IL1RL2: variants seen among roughly 807,000 people sequenced by gnomAD.
IL1RL2 encodes the protein interleukin-1 receptor-like 2.
In IL1RL2, 68 loss-of-function variants were observed where a neutral mutation model predicts 66.8. The observed-to-expected ratio is 1.02, with a 90% CI of 0.84 to 1.25. The LOEUF (loss-of-function observed/expected upper bound fraction) is 1.25, where lower values mean the gene tolerates loss of function less well. IL1RL2 is among the 50% of genes most tolerant of loss of function. The probability of loss-of-function intolerance (pLI) is 0.00; values close to 1 mark genes in which losing one functional copy is unlikely to be tolerated. For synonymous variants in IL1RL2, 305 were observed against 264.6 expected (o/e 1.15, Z -1.48); for missense variants, 729 against 709.3 (o/e 1.03, Z -0.32).
In IL1RL2 at chr2:102,192,114, G is replaced by A. The variant is rs1003159136; in HGVS notation, c.483G>A (p.Trp161Ter). ...PKSCVLGPIK[W>*]YKDCNEIKGE... ...GTTGTGTTTTGGGTCCAATAAAGTG[G>A]TATAAGGTAAAAAAGAATTTTCTTA... The change falls in exon 4 of 12, where the codon TGG becomes TGA. Residue 161 changes from tryptophan (W) to a stop codon, truncating the protein, a stop_gained. Transcript: ENST00000264257. LOFTEE classifies it high-confidence loss of function. 7 of 1,559,344 alleles carry A rather than the reference G, an allele frequency of 4.5e-6. No individual in the cohort carries two copies. In the African/African-American group the frequency reaches 9.8e-5, roughly 22 times the overall value.
chr2:102,234,787 A>C (rs992152414), intron 10 of IL1RL2, 110 bp from the exon 11 acceptor site: 65 of 551,790 alleles, frequency 1.2e-4, no homozygotes, highest in Non-Finnish European at 1.7e-4. Flanking sequence ...ACTTCACTTC[A>C]AAAAAAAAAA....
intron 4 of IL1RL2, among the ~76,000 whole-genome samples, chr2:102,196,351 C>T (rs1687783543): frequency 6.6e-6 from 1 of 152,174 alleles, no homozygotes; most frequent in Non-Finnish European, 1.5e-5. Context: ...TCACCTGATA[C>T]TATACCACCT....
chr2:102,233,724 C>T (rs1432429034), intron 10 of IL1RL2, among the ~76,000 whole-genome samples: 5 of 152,106 alleles, frequency 3.3e-5, no homozygotes, highest in Admixed American at 6.5e-5. Context: ...GATGAGAGAA[C>T]TGAATGAGAA....
At chr2:102,240,385 T>C (rs1675197024), downstream of IL1RL2, among the ~76,000 whole-genome samples, 1 of 146,014 alleles carries the variant, frequency 6.8e-6, no homozygotes, top group Admixed American at 6.8e-5. Flanking sequence ...TTTTTTTTTT[T>C]TTTGAGACAG....
chr2:102,227,413 A>G (rs1482925848), intron 9 of IL1RL2, among the ~76,000 whole-genome samples: 1 of 152,108 alleles, frequency 6.6e-6, no homozygotes, highest in Non-Finnish European at 1.5e-5. Context: ...ACTAACTTGG[A>G]TTTTTTCCAA....
intron 9 of IL1RL2, among the ~76,000 whole-genome samples, chr2:102,231,755 T>A (rs907787839): frequency 7.2e-5 from 11 of 152,226 alleles, no homozygotes; most frequent in African/African-American, 2.7e-4. Flanking sequence ...CAATAAATAC[T>A]GATGACGACG....
intron 5 of IL1RL2, among the ~76,000 whole-genome samples, chr2:102,210,814 T>A (rs1206981641): frequency 6.6e-6 from 1 of 152,138 alleles, no homozygotes; most frequent in Non-Finnish European, 1.5e-5. Context: ...CCAGAGTAGG[T>A]CATGGCCTGT....
In IL1RL2 at chr2:102,239,313, T is replaced by C. The variant is rs367878869; in HGVS notation, c.*72T>C. ...CCATGTCTCCTCATTCCTACACCTATTTTCTGCTGCAGGATGAGGCTAGGG... is the reference window on the plus strand; with the variant it reads ...CCATGTCTCCTCATTCCTACACCTACTTTCTGCTGCAGGATGAGGCTAGGG... On this transcript the variant is annotated 3_prime_UTR_variant, in exon 12 of 12. Coordinates refer to ENST00000264257, the MANE Select transcript of IL1RL2 (RefSeq NM_003854.4). The C allele has an allele frequency of 5.5e-5, 77 of 1,406,910 alleles. No homozygotes were observed. In the African/African-American group the frequency reaches 9.6e-4, roughly 18 times the overall value. The allele number at this position is 1,406,910 out of a possible 1,614,324, so 87.2% of individuals were successfully genotyped here. A position where few individuals can be genotyped will look rare whatever the true frequency, so the allele number is the denominator to read the frequency against.
intron 3 of IL1RL2, 140 bp from the exon 4 acceptor site, chr2:102,191,785 G>T: frequency 1.7e-6 from 1 of 598,716 alleles, no homozygotes; most frequent in Non-Finnish European, 2.9e-6. Flanking sequence ...TGAATCATTT[G>T]TGGATGCTTA....
chr2:102,188,543 G>T (rs1189250494), intron 2 of IL1RL2, among the ~76,000 whole-genome samples: 2 of 139,614 alleles, frequency 1.4e-5, no homozygotes, highest in Non-Finnish European at 3.0e-5. Flanking sequence ...AGCCGAGATT[G>T]AGCCTCTGCA....
In IL1RL2 at chr2:102,187,105, G is replaced by T. The variant is rs1278044087; in HGVS notation, c.-13+19G>T. Reference sequence around the variant, plus strand: ...CAGGCAGGTAGACACCGGGCCGGGAGTCTGGCTGAGCCAGGCATGGGTGGG... The same window carrying T: ...CAGGCAGGTAGACACCGGGCCGGGATTCTGGCTGAGCCAGGCATGGGTGGG... On this transcript the variant is annotated intron_variant, in intron 1 of 11. Transcript: ENST00000264257. 7.8e-7 allele frequency: 1 copy of T among 1,289,754 alleles called. No homozygotes were observed. The highest frequency in any genetic ancestry group is 2.3e-5 in the Admixed American group (1 of 43,570). 79.9% of individuals were successfully genotyped at this position (1,289,754 alleles called of 1,614,324 possible).
At chr2:102,220,341 G>T (rs1216879352) in intron 8 of IL1RL2, among the ~76,000 whole-genome samples, 1 of 152,114 alleles carries the variant, frequency 6.6e-6, no homozygotes, top group East Asian at 1.9e-4. Flanking sequence ...TCAACTTTTA[G>T]ATTTAGTATA....
At chr2:102,213,014 A>G (rs1396991663) in intron 6 of IL1RL2, among the ~76,000 whole-genome samples, 5 of 152,174 alleles carry the variant, frequency 3.3e-5, no homozygotes, top group African/African-American at 1.2e-4. Context: ...AGTAAAATAA[A>G]TATGTTGTAT....
At chr2:102,200,027 C>G (rs56117350) in intron 4 of IL1RL2, among the ~76,000 whole-genome samples, 12 of 150,026 alleles carry the variant, frequency 8.0e-5, no homozygotes, top group African/African-American at 3.0e-4. Context: ...TGTGGTGGCA[C>G]GTACCTGTAG....
Position 102,189,147 on chromosome 2 carries a change from T to G in IL1RL2, c.130T>G (p.Phe44Val), listed in dbSNP as rs773305564. 22 of 1,612,552 alleles carry G rather than the reference T, an allele frequency of 1.4e-5. No homozygotes were observed. The highest frequency in any genetic ancestry group is 1.8e-5 in the Non-Finnish European group (21 of 1,178,680). Residue 44 changes from phenylalanine (F) to valine (V), a missense_variant, in exon 3 of 12, where the codon TTC becomes GTC. Transcript: ENST00000264257. ...ASQPFAFNCT[F>V]PPITSGEVSV... ...CCAGCCTTTTGCTTTTAATTGTACA[T>G]TCCCTCCCATAACATCTGGGGAAGT...
At chr2:102,194,090 C>G (rs919500543) in intron 4 of IL1RL2, among the ~76,000 whole-genome samples, 5 of 152,192 alleles carry the variant, frequency 3.3e-5, no homozygotes, top group Non-Finnish European at 7.3e-5. Flanking sequence ...GAAAACATTA[C>G]TAGCACCTCC....
At chr2:102,213,028 A>G (rs1689312545) in intron 6 of IL1RL2, among the ~76,000 whole-genome samples, 1 of 152,232 alleles carries the variant, frequency 6.6e-6, no homozygotes, top group African/African-American at 2.4e-5. Context: ...GTTGTATTAC[A>G]TCTGAAAAAA....
intron 6 of IL1RL2, among the ~76,000 whole-genome samples, chr2:102,215,915 T>A (rs1689575175): frequency 6.6e-6 from 1 of 152,208 alleles, no homozygotes; most frequent in Non-Finnish European, 1.5e-5. Context: ...AAGAGGTGAC[T>A]GTTGCACCAG....
chr2:102,213,836 C>A (rs1297094761), intron 6 of IL1RL2, among the ~76,000 whole-genome samples: 2 of 151,998 alleles, frequency 1.3e-5, no homozygotes, highest in Admixed American at 6.6e-5. Flanking sequence ...GAATCTGTCC[C>A]AGAGTTGGTT....
Sources: allele counts gnomAD v4.1 joint callset (sites outside exome capture counted in the v4.1 genomes callset), GRCh38; gene constraint gnomAD v4.1.1; transcripts MANE v1.5; gene names NCBI Gene and HGNC (gene_info 2026-07-23, HGNC 2026-07-21).